DCLK2: variants seen among roughly 807,000 people sequenced by gnomAD.
The protein encoded by DCLK2 is doublecortin like kinase 2.
A neutral mutation model predicts 78.4 loss-of-function variants in DCLK2; 31 were observed. The observed-to-expected ratio is 0.40, with a 90% confidence interval of 0.30 to 0.53. DCLK2 has a LOEUF of 0.53. Ranked by LOEUF, DCLK2 falls within the 20% of genes least tolerant of loss-of-function variation. The pLI, the probability that DCLK2 is intolerant of heterozygous loss-of-function variation, is 0.61. For missense variants in DCLK2, 872 were observed against 973.7 expected (o/e 0.90, Z 1.39); for synonymous variants, 407 against 374.9 (o/e 1.09, Z -0.99).
At chr4:150,135,365 C>T (rs113118831) in intron 2 of DCLK2, among the ~76,000 whole-genome samples, 255 of 152,298 alleles carry the variant, frequency 1.7e-3, no homozygotes, top group Middle Eastern at 3.4e-3. Flanking sequence ...TTATTAATGT[C>T]TCCTTGGACT....
At chr4:150,195,873 A>G (rs1377470309) in intron 3 of DCLK2, among the ~76,000 whole-genome samples, 1 of 152,080 alleles carries the variant, frequency 6.6e-6, no homozygotes, top group Non-Finnish European at 1.5e-5. Flanking sequence ...GATCAAATGC[A>G]TTATAATATA....
chr4:150,177,865 C>T (rs996430727), intron 2 of DCLK2, among the ~76,000 whole-genome samples: 2 of 152,100 alleles, frequency 1.3e-5, no homozygotes, highest in African/African-American at 2.4e-5. Context: ...AGGATATATG[C>T]CAAATGCTTG....
intron 2 of DCLK2, among the ~76,000 whole-genome samples, chr4:150,132,577 G>C (rs1284203107): frequency 6.7e-6 from 1 of 149,430 alleles, no homozygotes; most frequent in Non-Finnish European, 1.5e-5. Context: ...GTTCCTAAGA[G>C]CCTTTTGTTC....
At chr4:150,179,885 T>C (rs1168220772) in intron 2 of DCLK2, among the ~76,000 whole-genome samples, 1 of 152,182 alleles carries the variant, frequency 6.6e-6, no homozygotes, top group Non-Finnish European at 1.5e-5. Context: ...TATTCAGTAT[T>C]CCGTAAGGTA....
At chr4:150,096,416 GATC>G in intron 1 of DCLK2, among the ~76,000 whole-genome samples, 1 of 152,182 alleles carries the variant, frequency 6.6e-6, no homozygotes, top group African/African-American at 2.4e-5. Context: ...ACTCGAGAAA[GATC>G]TAGGCCAGAA....
In DCLK2 at chr4:150,078,541, G is replaced by C. The variant is rs1728982887; in HGVS notation, c.-487G>C. 1 of 150,846 alleles carries C rather than the reference G, an allele frequency of 6.6e-6. No individual in the cohort carries two copies. Among genetic ancestry groups the C allele is most frequent in the Non-Finnish European group, 1.5e-5 (1 of 67,694 alleles). 9.3% of individuals were successfully genotyped at this position (150,846 alleles called of 1,614,324 possible). ...GGCGCTGCACCCCGGGCCTGGGCCCGCGCGACTCCCCCGGGGGCCTCTCCC... is the reference window on the plus strand; with the variant it reads ...GGCGCTGCACCCCGGGCCTGGGCCCCCGCGACTCCCCCGGGGGCCTCTCCC... On this transcript the variant is annotated 5_prime_UTR_variant, in exon 1 of 16. Transcript: ENST00000296550.
intron 1 of DCLK2, 75 bp downstream of exon 1, chr4:150,079,523 G>A: frequency 1.5e-6 from 2 of 1,377,660 alleles, no homozygotes; most frequent in Non-Finnish European, 1.9e-6. Context: ...CGGCGCAGCG[G>A]GGAGCCCGCG....
chr4:150,224,287 G>A (rs537832909), intron 7 of DCLK2, among the ~76,000 whole-genome samples: 1 of 151,980 alleles, frequency 6.6e-6, no homozygotes, highest in East Asian at 1.9e-4. Flanking sequence ...ACAGGAATGG[G>A]CCAGGTGTGG....
chr4:150,090,635 G>A (rs116345549), intron 1 of DCLK2, among the ~76,000 whole-genome samples: 5,188 of 152,116 alleles, frequency 0.034, 136 homozygotes, highest in Non-Finnish European at 0.055. Flanking sequence ...GTGGGTTTTC[G>A]TTTTTACATT....
chr4:150,207,783 G>A (rs1244387390), intron 5 of DCLK2, among the ~76,000 whole-genome samples: 4 of 152,128 alleles, frequency 2.6e-5, no homozygotes, highest in African/African-American at 7.2e-5. Flanking sequence ...TTTTGTTCAA[G>A]TAGTATTAAA....
intron 2 of DCLK2, among the ~76,000 whole-genome samples, chr4:150,189,219 C>A (rs958233924): frequency 5.0e-5 from 7 of 141,120 alleles, no homozygotes; most frequent in African/African-American, 1.8e-4. Context: ...TATTAAACTG[C>A]AGTAGATACA....
intron 1 of DCLK2, among the ~76,000 whole-genome samples, chr4:150,100,981 G>A (rs985276756): frequency 6.6e-6 from 1 of 152,182 alleles, no homozygotes; most frequent in Non-Finnish European, 1.5e-5. Flanking sequence ...GCCAGGCATG[G>A]TGGCTCATGC....
intron 3 of DCLK2, among the ~76,000 whole-genome samples, chr4:150,196,992 A>G (rs2126413660): frequency 6.6e-6 from 1 of 152,224 alleles, no homozygotes; most frequent in Non-Finnish European, 1.5e-5. Flanking sequence ...CGTCTCTACT[A>G]AAAATATAGA....
chr4:150,095,214 G>C (rs747528130), intron 1 of DCLK2, among the ~76,000 whole-genome samples: 1 of 152,244 alleles, frequency 6.6e-6, no homozygotes, highest in African/African-American at 2.4e-5. Context: ...AATATTGCCA[G>C]CATCTGAGAA....
intron 5 of DCLK2, among the ~76,000 whole-genome samples, chr4:150,206,727 T>G (rs942155740): frequency 1.3e-5 from 2 of 152,214 alleles, no homozygotes; most frequent in African/African-American, 4.8e-5. Flanking sequence ...GAGTAACTAA[T>G]GTCTCTGCCA....
chr4:150,174,997 CAAAA>C (rs200730503), intron 2 of DCLK2, among the ~76,000 whole-genome samples: 3 of 3,430 alleles, frequency 8.7e-4, no homozygotes, highest in Admixed American at 7.9e-3. Flanking sequence ...GACTCCGTCG[CAAAA>C]AAAAAAAAAA....
At chr4:150,112,453 A>T (rs1010895932) in intron 2 of DCLK2, among the ~76,000 whole-genome samples, 17 of 152,150 alleles carry the variant, frequency 1.1e-4, no homozygotes, top group African/African-American at 4.1e-4. Flanking sequence ...GACTTCCAGT[A>T]ACTGTATTGA....
chr4:150,251,866 G>A lies in DCLK2; in HGVS notation c.2073+2182G>A, dbSNP rs567382510. On this transcript the variant is annotated intron_variant, in intron 15 of 15. Transcript: ENST00000296550. The stretch of plus-strand genomic sequence containing the variant: ...TCATTCTCTTCTGTCCCCCGGCTGC[G>A]TTTATGTGGCCACCCTCTGTGTGTC... 1.0e-3 allele frequency among the ~76,000 whole-genome samples: 155 copies of A among 151,340 alleles called. 1 individual carries two copies. The highest frequency in any genetic ancestry group is 6.8e-3 in the Middle Eastern group (2 of 294).
chr4:150,226,798 A>G (rs767111405), intron 8 of DCLK2, among the ~76,000 whole-genome samples: 40 of 152,064 alleles, frequency 2.6e-4, no homozygotes, highest in Non-Finnish European at 5.1e-4. Flanking sequence ...ACAAAATTAT[A>G]ATTTTAAAAC....
Sources: allele counts gnomAD v4.1 joint callset (sites outside exome capture counted in the v4.1 genomes callset), GRCh38; gene constraint gnomAD v4.1.1; transcripts MANE v1.5; gene names NCBI Gene and HGNC (gene_info 2026-07-23, HGNC 2026-07-21).